GLTP: variants seen among roughly 807,000 people sequenced by gnomAD.
The protein encoded by GLTP is glycolipid transfer protein.
Under a neutral mutation model 24.0 loss-of-function variants are expected in GLTP, and 22 were observed. The observed-to-expected ratio is 0.92, with a 90% CI of 0.65 to 1.31. The LOEUF (loss-of-function observed/expected upper bound fraction) is 1.31. Ranked by LOEUF, GLTP falls within the 50% of genes most tolerant of loss-of-function variation. The pLI is 0.00. For missense variants in GLTP, 224 were observed against 276.6 expected (o/e 0.81, Z 1.35); for synonymous variants, 92 against 115.9 (o/e 0.79, Z 1.33).
In GLTP at chr12:109,876,061, G is replaced by A. The variant is rs558707657; in HGVS notation, c.103+4211C>T. Among the ~76,000 whole-genome samples the A allele has an allele frequency of 3.3e-5, 5 of 152,282 alleles. No individual in the cohort carries two copies. In the East Asian group the frequency reaches 5.8e-4, roughly 18 times the overall value. On this transcript the variant is annotated intron_variant, in intron 1 of 4. Coordinates refer to ENST00000318348, the MANE Select transcript of GLTP (RefSeq NM_016433.4). ...TATACCACATTGAGATGATACAATC[G>A]GCCAGGTGCAGTGGCTCACACCTGT...
rs144633251 is a variant in GLTP, at chr12:109,866,027, G to T, written c.104-7286C>A. ...CAAACAACTAGGGGGGCAGAGAGTA[G>T]AGAGTCTGTGTAACAAGGATAACAG... is the stretch of plus-strand genomic sequence containing the variant. On this transcript the variant is annotated intron_variant, in intron 1 of 4. Transcript: ENST00000318348. 3.7e-3 allele frequency among the ~76,000 whole-genome samples: 558 copies of T among 152,300 alleles called. 2 individuals are homozygous for T. The highest frequency in any genetic ancestry group is 0.013 in the African/African-American group (524 of 41,566).
chr12:109,872,894 C>T (rs1868767576), intron 1 of GLTP, among the ~76,000 whole-genome samples: 1 of 152,228 alleles, frequency 6.6e-6, no homozygotes, highest in Non-Finnish European at 1.5e-5. Flanking sequence ...TCTTGTCTTT[C>T]TTGGGATATT....
At chr12:109,858,546 T>C (rs888232874) in intron 2 of GLTP, 137 bp downstream of exon 2, 1 of 714,932 alleles carries the variant, frequency 1.4e-6, no homozygotes, top group Admixed American at 2.0e-5. Context: ...TTGGACAAGC[T>C]TGGGGCCCAT....
chr12:109,857,907 A>G lies in GLTP; in HGVS notation c.163-248T>C. ...TGTTGCTGTCATTATCCCATTTTAC[A>G]GGCAGAGACACTGAGGCTCACAGAG... On this transcript the variant is annotated intron_variant, in intron 2 of 4. Transcript: ENST00000318348. This position sits in a 1 kb window ranked among gnomAD's most constrained non-coding sequence, Gnocchi z 4.3. 1.9e-6 allele frequency: 1 copy of G among 525,912 alleles called. No individual in the cohort carries two copies. Among genetic ancestry groups the G allele is most frequent in the South Asian group, 2.0e-5 (1 of 50,468 alleles). The allele number at this position is 525,912 out of a possible 1,614,324, so 32.6% of individuals were successfully genotyped here.
At chr12:109,869,303 C>CAAAAAAAAAAA (rs140914540) in intron 1 of GLTP, among the ~76,000 whole-genome samples, 1 of 49,014 alleles carries the variant, frequency 2.0e-5, no homozygotes, top group Non-Finnish European at 3.5e-5. Context: ...GGCTCTACCT[C>CAAAAAAAAAAA]AAAAAAAAAA....
chr12:109,856,417 A>G (rs1333667833), intron 3 of GLTP, among the ~76,000 whole-genome samples: 4 of 152,108 alleles, frequency 2.6e-5, no homozygotes, highest in African/African-American at 9.7e-5. Context: ...AGCACACATC[A>G]TCTCATCTCT....
At chr12:109,864,399 G>A (rs1272346539) in intron 1 of GLTP, among the ~76,000 whole-genome samples, 2 of 152,204 alleles carry the variant, frequency 1.3e-5, no homozygotes, top group Non-Finnish European at 2.9e-5. Flanking sequence ...CCACAGTCCT[G>A]GGTTTGAATC....
chr12:109,875,880 ACT>A (rs1291482890), intron 1 of GLTP, among the ~76,000 whole-genome samples: 7 of 152,326 alleles, frequency 4.6e-5, no homozygotes, highest in Non-Finnish European at 7.3e-5. Context: ...AGGTTAAAGC[ACT>A]CTTCAACTCA....
chr12:109,859,528 T>TA (rs1185878571), intron 1 of GLTP, among the ~76,000 whole-genome samples: 3 of 31,120 alleles, frequency 9.6e-5, no homozygotes, highest in Middle Eastern at 0.023. Flanking sequence ...CAAAAAATAA[T>TA]TTTTTTTTTG....
intron 1 of GLTP, among the ~76,000 whole-genome samples, chr12:109,871,232 G>A (rs1333324984): frequency 2.0e-5 from 3 of 151,682 alleles, no homozygotes; most frequent in Admixed American, 6.6e-5. Flanking sequence ...ACAGGATTGC[G>A]CCACCACACC....
chr12:109,871,427 G>A (rs1868718270), intron 1 of GLTP, among the ~76,000 whole-genome samples: 1 of 152,074 alleles, frequency 6.6e-6, no homozygotes, highest in African/African-American at 2.4e-5. Context: ...TAATCACATT[G>A]TCATGCCAGC....
intron 1 of GLTP, among the ~76,000 whole-genome samples, chr12:109,865,574 G>A (rs987390295): frequency 6.6e-5 from 10 of 151,500 alleles, no homozygotes; most frequent in African/African-American, 2.4e-4. Flanking sequence ...GTTACAGTGA[G>A]TTGAGATTGC....
intron 1 of GLTP, among the ~76,000 whole-genome samples, chr12:109,876,557 AAGGAAGGAAAGAGAAAG>A (rs927691988): frequency 1.4e-5 from 2 of 147,200 alleles, no homozygotes; most frequent in African/African-American, 5.0e-5. Flanking sequence ...AAAGGAAAGG[AAGGAAGGAAAGAGAAAG>A]AGGAAGGAAG....
chr12:109,863,333 C>T (rs765388780), intron 1 of GLTP, among the ~76,000 whole-genome samples: 1 of 152,160 alleles, frequency 6.6e-6, no homozygotes, highest in Non-Finnish European at 1.5e-5. Context: ...TTTACTGTTA[C>T]AGTGATCATA....
At chr12:109,854,365 C>CA (rs34720686) in intron 4 of GLTP, among the ~76,000 whole-genome samples, 49,222 of 97,492 alleles carry the variant, frequency 0.5, 12,057 homozygotes, top group Admixed American at 0.58. Flanking sequence ...GACCCTGTCT[C>CA]AAAAAAAAAA....
At position 109,855,692 on chromosome 12, in the gene GLTP, C is replaced by T. The variant is rs201283523; in HGVS notation, c.374G>A (p.Arg125His). ...ERDENHPNLI[R>H]VNATKAYEMA... The stretch of plus-strand genomic sequence containing the variant: ...CTCGTAGGCCTTGGTGGCGTTGACA[C>T]GGATGAGGTTGGGGTGGTTCTCGTC... Residue 125 changes from arginine (R) to histidine (H), a missense_variant, in exon 4 of 5, where the codon CGT becomes CAT. By Grantham distance (29) the Arg-to-His change is conservative (BLOSUM62 0). Coordinates refer to ENST00000318348, the MANE Select transcript of GLTP (RefSeq NM_016433.4). This position sits in a 1 kb window ranked among gnomAD's most constrained non-coding sequence, Gnocchi z 4.1. 39 of 1,608,222 alleles carry T rather than the reference C, an allele frequency of 2.4e-5. No individual in the cohort carries two copies. The African/African-American group carries it at 2.4e-4, about 10-fold the overall frequency.
chr12:109,867,635 G>A (rs554697538), intron 1 of GLTP, among the ~76,000 whole-genome samples: 1 of 152,282 alleles, frequency 6.6e-6, no homozygotes, highest in South Asian at 2.1e-4. Context: ...CCAGAAAGCA[G>A]AATTCCCTGT....
chr12:109,862,130 C>T (rs758620297), intron 1 of GLTP, among the ~76,000 whole-genome samples: 3 of 152,158 alleles, frequency 2.0e-5, no homozygotes, highest in Non-Finnish European at 2.9e-5. Context: ...GGAGCCTTCC[C>T]TAGGGTGGTC....
intron 2 of GLTP, 70 bp downstream of exon 2, chr12:109,858,613 G>T: frequency 1.8e-6 from 2 of 1,107,840 alleles, no homozygotes; most frequent in Non-Finnish European, 2.8e-6. Flanking sequence ...GGACCATGAT[G>T]CTGGTAACCC....
Sources: gnomAD v4.1 joint callset for allele counts (sites outside exome capture counted in the v4.1 genomes callset) on GRCh38, gnomAD v4.1.1 for gene constraint, Gnocchi (gnomAD v3.1) non-coding constraint, MANE v1.5 for transcripts, NCBI Gene and HGNC (gene_info 2026-07-23, HGNC 2026-07-21) for gene names.